The following INPP5A variants were observed in gnomAD, a reference collection of about 807,000 sequenced individuals.
The protein encoded by INPP5A is 43 kDa inositol polyphosphate 5-phophatase.
Under a neutral mutation model 65.2 loss-of-function variants are expected in INPP5A, and 14 were observed. The ratio of observed to expected loss-of-function variants is 0.21; its 90% CI spans 0.14 to 0.34. The LOEUF (loss-of-function observed/expected upper bound fraction) is 0.34, where lower values mean the gene tolerates loss of function less well. Ranked by LOEUF, INPP5A falls within the 10% of genes least tolerant of loss-of-function variation. INPP5A has a pLI of 1.00. For missense variants in INPP5A, 431 were observed against 545.6 expected (o/e 0.79, Z 2.09); for synonymous variants, 207 against 208.3 (o/e 0.99, Z 0.05).
intron 2 of INPP5A, among the ~76,000 whole-genome samples, chr10:132,612,102 T>G (rs1259862424): frequency 6.0e-4 from 45 of 74,634 alleles, no homozygotes; most frequent in Admixed American, 8.6e-4. Flanking sequence ...GGAAGTGAGG[T>G]GGGCAGGGGA....
intron 8 of INPP5A, among the ~76,000 whole-genome samples, chr10:132,722,659 C>G (rs555880930): frequency 1.3e-5 from 2 of 152,216 alleles, no homozygotes; most frequent in African/African-American, 4.8e-5. Flanking sequence ...GACACGCTGA[C>G]GAGCCCCCCA....
At chr10:132,689,098 C>T (rs116241952) in intron 4 of INPP5A, among the ~76,000 whole-genome samples, 1 of 152,184 alleles carries the variant, frequency 6.6e-6, no homozygotes, top group African/African-American at 2.4e-5. Context: ...ACAAGTGAAG[C>T]CTTGGAATGA....
In INPP5A at chr10:132,707,518, C is replaced by T. The variant is rs1845555283; in HGVS notation, c.475-795C>T. Among the ~76,000 whole-genome samples the T allele has an allele frequency of 6.6e-6, 1 of 152,180 alleles. No individual in the cohort carries two copies. The highest frequency in any genetic ancestry group is 2.1e-4 in the South Asian group (1 of 4,830). ...AAATGGAATCTAAAATTCAGTTCTTCAGTCATACACTTTGCACGCTCGGTG... is the reference window on the plus strand; with the variant it reads ...AAATGGAATCTAAAATTCAGTTCTTTAGTCATACACTTTGCACGCTCGGTG... On this transcript the variant is annotated intron_variant, in intron 6 of 15. Transcript: ENST00000368594. The surrounding 1 kb of genome is among the most constrained non-coding windows in gnomAD (Gnocchi z 5.5).
chr10:132,720,587 G>C (rs1337031815), intron 8 of INPP5A, among the ~76,000 whole-genome samples: 1 of 150,040 alleles, frequency 6.7e-6, no homozygotes, highest in South Asian at 2.1e-4. Context: ...GTTCTGTCTG[G>C]GCACCTTAGA....
chr10:132,713,917 C>T (rs978565542), intron 8 of INPP5A, among the ~76,000 whole-genome samples: 1 of 152,150 alleles, frequency 6.6e-6, no homozygotes, highest in Non-Finnish European at 1.5e-5. Flanking sequence ...ACCGCCTGTG[C>T]CCTGGGCGCC....
Position 132,741,882 on chromosome 10 carries a change from C to T in INPP5A, c.733-7635C>T, listed in dbSNP as rs1210296483. Reference sequence around the variant, plus strand: ...TGATATAAACTGCAGCTGGCTGCAGCACCCACGAATGGCTTCTTTCCGAGA... The same window carrying T: ...TGATATAAACTGCAGCTGGCTGCAGTACCCACGAATGGCTTCTTTCCGAGA... On this transcript the variant is annotated intron_variant, in intron 9 of 15. Coordinates refer to ENST00000368594, the MANE Select transcript of INPP5A (RefSeq NM_005539.5). The surrounding 1 kb of genome is among the most constrained non-coding windows in gnomAD (Gnocchi z 4.4). Among the ~76,000 whole-genome samples, 1 of 152,210 alleles carries T rather than the reference C, an allele frequency of 6.6e-6. No homozygotes were observed. Among genetic ancestry groups the T allele is most frequent in the Admixed American group, 6.5e-5 (1 of 15,288 alleles).
intron 12 of INPP5A, among the ~76,000 whole-genome samples, chr10:132,766,240 C>T (rs527321611): frequency 2.1e-3 from 322 of 152,382 alleles, no homozygotes; most frequent in Middle Eastern, 6.8e-3. Context: ...ACTGCACCTT[C>T]TCCTGCCCTT....
rs550108361 is a variant in INPP5A at position 132,658,683 on chromosome 10, C to T, written c.306+8178C>T. Among the ~76,000 whole-genome samples the T allele has an allele frequency of 1.1e-3, 162 of 152,206 alleles. 4 individuals carry two copies. In the South Asian group the frequency reaches 0.033, roughly 31 times the overall value. Reference sequence around the variant, plus strand: ...GGTGCCCGGGTGTCTGCAAGCTGCCCGCAGCTGGGTGGTCTCTGGGCACGG... The same window carrying T: ...GGTGCCCGGGTGTCTGCAAGCTGCCTGCAGCTGGGTGGTCTCTGGGCACGG... On this transcript the variant is annotated intron_variant, in intron 4 of 15. Coordinates refer to ENST00000368594, the MANE Select transcript of INPP5A (RefSeq NM_005539.5).
chr10:132,766,920 T>G (rs1374329900), intron 12 of INPP5A, among the ~76,000 whole-genome samples: 20 of 55,140 alleles, frequency 3.6e-4, no homozygotes, highest in South Asian at 7.2e-4. Flanking sequence ...TGGGCTTGGG[T>G]GGGAGCCGGA....
intron 2 of INPP5A, among the ~76,000 whole-genome samples, chr10:132,643,519 AAAATT>A (rs1293229702): frequency 2.0e-5 from 3 of 152,230 alleles, no homozygotes; most frequent in Non-Finnish European, 4.4e-5. Context: ...TAAATGAAAT[AAAATT>A]AAATTAAATA....
chr10:132,766,023 C>T (rs544146896), intron 12 of INPP5A, among the ~76,000 whole-genome samples, 177 bp downstream of exon 12: 1 of 152,308 alleles, frequency 6.6e-6, no homozygotes, highest in African/African-American at 2.4e-5. Flanking sequence ...GTGTGTTGTG[C>T]ATCTGTGTGC....
At chr10:132,780,947 C>A in intron 14 of INPP5A, 30 bp downstream of exon 14, 1 of 838,426 alleles carries the variant, frequency 1.2e-6, no homozygotes, top group Non-Finnish European at 1.7e-6. Context: ...AGGGGCCAGG[C>A]TGGGGGACCA....
rs537371878 is a variant in INPP5A, at chr10:132,550,348, C to T, written c.75+12177C>T. ...AGTAGTCCCTGTCCTCTCCAGCGACCGCTCTCTCCTGGGTGTCAGTGGTTT... is the reference window on the plus strand; with the variant it reads ...AGTAGTCCCTGTCCTCTCCAGCGACTGCTCTCTCCTGGGTGTCAGTGGTTT... On this transcript the variant is annotated intron_variant, in intron 1 of 15. Coordinates refer to ENST00000368594, the MANE Select transcript of INPP5A (RefSeq NM_005539.5). This position sits in a 1 kb window ranked among gnomAD's most constrained non-coding sequence, Gnocchi z 4.2. Among the ~76,000 whole-genome samples the T allele has an allele frequency of 8.5e-5, 13 of 152,320 alleles. No individual in the cohort carries two copies. Among genetic ancestry groups the T allele is most frequent in the South Asian group, 8.3e-4 (4 of 4,830 alleles).
At chr10:132,554,379 C>T (rs72854973) in intron 1 of INPP5A, among the ~76,000 whole-genome samples, 4,245 of 152,156 alleles carry the variant, frequency 0.028, 96 homozygotes, top group Non-Finnish European at 0.048. Flanking sequence ...AGGTGGACAC[C>T]GCAGAGGGTC....
chr10:132,737,125 C>T (rs569707832), intron 9 of INPP5A, among the ~76,000 whole-genome samples: 1 of 152,388 alleles, frequency 6.6e-6, no homozygotes, highest in African/African-American at 2.4e-5. Context: ...TGACGATGTT[C>T]CTGCATCGGC....
At chr10:132,754,028 C>G (rs1008028659) in intron 11 of INPP5A, 1 of 152,242 alleles carries the variant, frequency 6.6e-6, no homozygotes, top group Non-Finnish European at 1.5e-5. Flanking sequence ...TTGTTCCAGC[C>G]GCAGCAGGGG....
intron 3 of INPP5A, among the ~76,000 whole-genome samples, chr10:132,646,755 G>A (rs1467935268): frequency 6.6e-6 from 1 of 152,174 alleles, no homozygotes; most frequent in Non-Finnish European, 1.5e-5. Context: ...TCACAAAGCT[G>A]CCACACTCTG....
At chr10:132,770,606 A>G (rs1415617334) in intron 12 of INPP5A, among the ~76,000 whole-genome samples, 2 of 152,254 alleles carry the variant, frequency 1.3e-5, no homozygotes, top group Non-Finnish European at 2.9e-5. Flanking sequence ...TCCCTCTTCC[A>G]GCTACTGAGG....
intron 1 of INPP5A, among the ~76,000 whole-genome samples, chr10:132,605,693 C>T (rs2071840433): frequency 6.6e-6 from 1 of 151,624 alleles, no homozygotes; most frequent in African/African-American, 2.4e-5. Flanking sequence ...TGGGCAGGGC[C>T]CCATGGTCAC....
Sources: allele counts gnomAD v4.1 joint callset (sites outside exome capture counted in the v4.1 genomes callset), GRCh38; gene constraint gnomAD v4.1.1; non-coding constraint Gnocchi (gnomAD v3.1); transcripts MANE v1.5; gene names NCBI Gene and HGNC (gene_info 2026-07-23, HGNC 2026-07-21).